Variants in ANK3 observed in about 807,000 individuals in gnomAD.
The protein encoded by ANK3 is ankyrin 3, also known as ankyrin-3.
A neutral mutation model predicts 370.9 loss-of-function variants in ANK3; 57 were observed. The observed-to-expected ratio is 0.15, with a 90% CI of 0.12 to 0.19. The LOEUF is 0.19. Ranked by LOEUF, ANK3 falls within the 10% of genes least tolerant of loss-of-function variation. The pLI is 1.00. For synonymous variants in ANK3, 1,929 were observed against 1,946.3 expected (o/e 0.99, Z 0.23); for missense variants, 4,439 against 5,302.1 (o/e 0.84, Z 5.06).
chr10:60,626,733 G>C (rs2078415641), intron 1 of ANK3, among the ~76,000 whole-genome samples: 1 of 152,176 alleles, frequency 6.6e-6, no homozygotes. Flanking sequence ...GGTAAAAGGA[G>C]ACACCTGCTT....
intron 7 of ANK3, among the ~76,000 whole-genome samples, chr10:60,257,712 G>A (rs148963805): frequency 3.9e-5 from 6 of 151,906 alleles, no homozygotes; most frequent in African/African-American, 1.2e-4. Flanking sequence ...CTGCTGCTTG[G>A]TAACATTTAC....
intron 28 of ANK3, among the ~76,000 whole-genome samples, chr10:60,090,796 G>A (rs2088121235): frequency 6.6e-6 from 1 of 152,206 alleles, no homozygotes; most frequent in African/African-American, 2.4e-5. Context: ...AGGGAAATAA[G>A]TGCTTTCATT....
chr10:60,308,195 C>A (rs2045579518), intron 1 of ANK3, among the ~76,000 whole-genome samples: 1 of 151,666 alleles, frequency 6.6e-6, no homozygotes, highest in Admixed American at 6.6e-5. Flanking sequence ...ACATATTCTA[C>A]TTTCCTTTAT....
rs1555392645 is a variant in ANK3 at position 60,569,052 on chromosome 10, A to AT, written c.96+46133dup. Among the ~76,000 whole-genome samples, 568 of 151,932 alleles carry AT rather than the reference A, an allele frequency of 3.7e-3. 5 individuals are homozygous for AT. The highest frequency in any genetic ancestry group is 0.013 in the African/African-American group (524 of 41,436). ...TTGTTTAAGCCACCTAGTCTATTGT[A>AT]TTTTTTTAATGTCAGTCCAAGCTAA... On this transcript the variant is annotated intron_variant, in intron 2 of 43. Transcript: ENST00000373827.
Position 60,589,973 on chromosome 10 carries a change from T to C in ANK3, c.96+25213A>G, listed in dbSNP as rs751223359. On this transcript the variant is annotated intron_variant, in intron 2 of 43. Transcript: ENST00000373827. Reference sequence around the variant, plus strand: ...CTTGGATTTCTAAAAACAGTAGGTGTAGTCTTCAAGCCACAAATTCTTTTT... The same window carrying C: ...CTTGGATTTCTAAAAACAGTAGGTGCAGTCTTCAAGCCACAAATTCTTTTT... 4.3e-4 allele frequency among the ~76,000 whole-genome samples: 65 copies of C among 152,242 alleles called. 1 individual carries two copies. The highest frequency in any genetic ancestry group is 6.6e-4 in the Non-Finnish European group (45 of 68,040).
chr10:60,567,770 G>C (rs1426382419), intron 2 of ANK3, among the ~76,000 whole-genome samples: 1 of 152,152 alleles, frequency 6.6e-6, no homozygotes, highest in African/African-American at 2.4e-5. Context: ...CTTGGGAGGA[G>C]GTCAAAATAT....
chr10:60,490,681 A>G (rs2075473822), intron 2 of ANK3, among the ~76,000 whole-genome samples: 1 of 152,136 alleles, frequency 6.6e-6, no homozygotes, highest in Admixed American at 6.6e-5. Flanking sequence ...CTTCCACTGG[A>G]TCATTTTATT....
At chr10:60,652,312 C>T (rs535993598) in intron 1 of ANK3, among the ~76,000 whole-genome samples, 111 of 152,080 alleles carry the variant, frequency 7.3e-4, no homozygotes, top group African/African-American at 2.3e-3. Flanking sequence ...TGAGCTAGGA[C>T]GATCACTTAA....
At chr10:60,670,245 C>T (rs1243342988) in intron 1 of ANK3, among the ~76,000 whole-genome samples, 1 of 152,132 alleles carries the variant, frequency 6.6e-6, no homozygotes, top group Non-Finnish European at 1.5e-5. Flanking sequence ...ACCTCTCAAC[C>T]CTAACATGCC....
chr10:60,184,359 A>T (rs981158872), intron 17 of ANK3, among the ~76,000 whole-genome samples: 1 of 152,192 alleles, frequency 6.6e-6, no homozygotes, highest in East Asian at 1.9e-4. Context: ...CTGTTTTCAC[A>T]TCAGGGCATA....
rs1019315989 is a variant in ANK3 at position 60,155,219 on chromosome 10, C to T, written c.2614+11372G>A. Among the ~76,000 whole-genome samples, 4 of 152,328 alleles carry T rather than the reference C, an allele frequency of 2.6e-5. No homozygotes were observed. In the East Asian group the frequency reaches 7.7e-4, roughly 29 times the overall value. The stretch of plus-strand genomic sequence containing the variant: ...TTGCATTATCTACACCACCCCTCCC[C>T]CAGCCCCAGGCAGCACAGCATAGAG... On this transcript the variant is annotated intron_variant, in intron 23 of 43. Coordinates refer to ENST00000280772, the MANE Select transcript of ANK3 (RefSeq NM_020987.5).
chr10:60,366,210 C>T (rs911381635), intron 1 of ANK3, among the ~76,000 whole-genome samples: 2 of 151,914 alleles, frequency 1.3e-5, no homozygotes, highest in African/African-American at 4.8e-5. Context: ...TGGTGGCACG[C>T]ACTCCCAAGC....
At chr10:60,565,468 G>A (rs1463197185) in intron 2 of ANK3, among the ~76,000 whole-genome samples, 1 of 152,148 alleles carries the variant, frequency 6.6e-6, no homozygotes, top group Non-Finnish European at 1.5e-5. Flanking sequence ...GGGGACCCCT[G>A]CTATAAACTA....
intron 1 of ANK3, among the ~76,000 whole-genome samples, chr10:60,329,005 T>C (rs1055620109): frequency 1.3e-5 from 2 of 152,032 alleles, no homozygotes; most frequent in African/African-American, 2.4e-5. Flanking sequence ...ACGTAATCCA[T>C]CACATAAACA....
rs980416553 is a variant in ANK3 at position 60,500,720 on chromosome 10, C to T, written c.96+114466G>A. Among the ~76,000 whole-genome samples, 9 of 152,142 alleles carry T rather than the reference C, an allele frequency of 5.9e-5. No homozygotes were observed. In the South Asian group the frequency reaches 6.2e-4, roughly 11 times the overall value. Reference sequence around the variant, plus strand: ...CCTCATCCTTAATCTGAACCTCTATCGGTGTGATCTAAGAATCTGCATTTT... The same window carrying T: ...CCTCATCCTTAATCTGAACCTCTATTGGTGTGATCTAAGAATCTGCATTTT... On this transcript the variant is annotated intron_variant, in intron 2 of 43. Transcript: ENST00000373827.
chr10:60,261,677 T>C (rs1215034887), intron 7 of ANK3, among the ~76,000 whole-genome samples, 182 bp downstream of exon 7: 1 of 152,240 alleles, frequency 6.6e-6, no homozygotes, highest in Admixed American at 6.5e-5. Flanking sequence ...TTACCTCTCC[T>C]GCTAGGAAAC....
chr10:60,235,559 T>TTTG, intron 7 of ANK3, among the ~76,000 whole-genome samples: 1 of 139,308 alleles, frequency 7.2e-6, no homozygotes. Context: ...TGTTTTTTTT[T>TTTG]TTTTTTTTTT....
At chr10:60,590,524 T>C (rs914399462) in intron 2 of ANK3, among the ~76,000 whole-genome samples, 1 of 152,214 alleles carries the variant, frequency 6.6e-6, no homozygotes, top group Non-Finnish European at 1.5e-5. Flanking sequence ...TCAGATTTAA[T>C]GGTTCTAGTT....
intron 16 of ANK3, among the ~76,000 whole-genome samples, chr10:60,195,445 C>G (rs2096571920): frequency 6.6e-6 from 1 of 151,122 alleles, no homozygotes; most frequent in Admixed American, 6.6e-5. Flanking sequence ...GTCCTCCAAC[C>G]AATAGTGTTT....
Sources: allele counts gnomAD v4.1 joint callset (sites outside exome capture counted in the v4.1 genomes callset), GRCh38; gene constraint gnomAD v4.1.1; transcripts MANE v1.5; gene names NCBI Gene and HGNC (gene_info 2026-07-23, HGNC 2026-07-21).